The following BICD1 variants were observed in gnomAD, a reference collection of about 807,000 sequenced individuals.
The protein encoded by BICD1 is protein bicaudal D homolog 1.
In BICD1, 35 loss-of-function variants were observed where a neutral mutation model predicts 92.5. The observed-to-expected ratio is 0.38, with a 90% CI of 0.29 to 0.50. The LOEUF (loss-of-function observed/expected upper bound fraction) is 0.50, where lower values mean the gene tolerates loss of function less well. BICD1 is among the 20% of genes least tolerant of loss of function. The probability of loss-of-function intolerance (pLI) is 0.93; values close to 1 mark genes in which losing one functional copy is unlikely to be tolerated. For missense variants in BICD1, 950 were observed against 1,189.8 expected (o/e 0.80, Z 2.97); for synonymous variants, 429 against 465.1 (o/e 0.92, Z 1.00).
At chr12:32,377,464 T>G in intron 9 of BICD1, 76 bp from the exon 10 acceptor site, 1 of 1,146,154 alleles carries the variant, frequency 8.7e-7, no homozygotes, top group Non-Finnish European at 1.3e-6. Flanking sequence ...TGCAAAAATA[T>G]CTCGTCTAAC....
intron 1 of BICD1, among the ~76,000 whole-genome samples, chr12:32,178,012 A>G (rs1194487182): frequency 1.3e-5 from 2 of 151,388 alleles, no homozygotes; most frequent in South Asian, 2.1e-4. Context: ...GATTGTGATT[A>G]TGGGCATTTT....
chr12:32,299,541 T>C (rs1183012107), intron 3 of BICD1, among the ~76,000 whole-genome samples: 2 of 151,876 alleles, frequency 1.3e-5, no homozygotes, highest in East Asian at 3.9e-4. Flanking sequence ...CACATTTGAG[T>C]GAGTGGTGTG....
intron 1 of BICD1, among the ~76,000 whole-genome samples, chr12:32,198,299 G>A (rs2121548698): frequency 7.6e-6 from 1 of 132,336 alleles, no homozygotes. Context: ...AATCTTATGA[G>A]GGGATGATTA....
chr12:32,346,514 C>CA (rs869064716), intron 8 of BICD1, among the ~76,000 whole-genome samples: 15 of 86,320 alleles, frequency 1.7e-4, no homozygotes, highest in African/African-American at 4.7e-4. Context: ...GAGACCCTGT[C>CA]AAAAAAAATA....
chr12:32,306,434 CG>C (rs1320020920), intron 4 of BICD1, among the ~76,000 whole-genome samples: 1 of 151,724 alleles, frequency 6.6e-6, no homozygotes, highest in East Asian at 2.0e-4. Flanking sequence ...TTAGTAGAGA[CG>C]GGGTTTCACC....
At chr12:32,208,870 G>T (rs560259478) in intron 1 of BICD1, among the ~76,000 whole-genome samples, 1 of 151,826 alleles carries the variant, frequency 6.6e-6, no homozygotes, top group African/African-American at 2.4e-5. Flanking sequence ...TGTTGCCCAG[G>T]CTGCAGTGCA....
intron 2 of BICD1, among the ~76,000 whole-genome samples, chr12:32,280,197 AC>A (rs1485609915): frequency 1.3e-5 from 2 of 152,220 alleles, no homozygotes; most frequent in Non-Finnish European, 2.9e-5. Flanking sequence ...TTTCTCCTCT[AC>A]CTTCTTACAA....
At chr12:32,356,507 G>C (rs893539002) in intron 8 of BICD1, among the ~76,000 whole-genome samples, 7 of 151,962 alleles carry the variant, frequency 4.6e-5, no homozygotes, top group African/African-American at 1.5e-4. Flanking sequence ...TAAAAAATTA[G>C]CTGGGCGTAG....
intron 1 of BICD1, among the ~76,000 whole-genome samples, chr12:32,155,073 G>T (rs1943400266): frequency 6.6e-6 from 1 of 151,842 alleles, no homozygotes; most frequent in Non-Finnish European, 1.5e-5. Context: ...AAAAAATCCA[G>T]TTATTTGAAT....
intron 2 of BICD1, among the ~76,000 whole-genome samples, chr12:32,252,271 A>G (rs1363607861): frequency 1.4e-5 from 2 of 146,402 alleles, no homozygotes; most frequent in Non-Finnish European, 3.0e-5. Flanking sequence ...TTGAGTTATA[A>G]ATTTGCCATG....
At chr12:32,294,620 T>TAA (rs60052535) in intron 3 of BICD1, among the ~76,000 whole-genome samples, 100 of 65,610 alleles carry the variant, frequency 1.5e-3, no homozygotes, top group South Asian at 5.5e-3. Context: ...GACTCCGTCT[T>TAA]AAAAAAAAAA....
intron 2 of BICD1, among the ~76,000 whole-genome samples, chr12:32,246,465 C>T (rs1946392224): frequency 1.3e-5 from 2 of 151,904 alleles, no homozygotes; most frequent in Non-Finnish European, 2.9e-5. Context: ...TAGTAGGACT[C>T]CATCTCTATA....
At chr12:32,263,561 A>AG (rs938901678) in intron 2 of BICD1, among the ~76,000 whole-genome samples, 1 of 152,144 alleles carries the variant, frequency 6.6e-6, no homozygotes, top group African/African-American at 2.4e-5. Context: ...AAAAAAAAAA[A>AG]AAAGTATTAC....
At chr12:32,342,230 A>G (rs1470257480) in intron 8 of BICD1, among the ~76,000 whole-genome samples, 8 of 136,074 alleles carry the variant, frequency 5.9e-5, no homozygotes, top group East Asian at 4.9e-4. Flanking sequence ...ATATATATAT[A>G]TATGTATAGT....
At chr12:32,268,414 C>T (rs775508757) in intron 2 of BICD1, among the ~76,000 whole-genome samples, 5 of 152,024 alleles carry the variant, frequency 3.3e-5, no homozygotes, top group Non-Finnish European at 7.4e-5. Flanking sequence ...AACTGCCCAT[C>T]GTAAAAAAGA....
chr12:32,322,666 GTGT>G (rs1283032480), intron 4 of BICD1, among the ~76,000 whole-genome samples: 1 of 152,152 alleles, frequency 6.6e-6, no homozygotes, highest in Non-Finnish European at 1.5e-5. Context: ...GCAAGAGACA[GTGT>G]TCTATTTGAT....
At chr12:32,111,725 A>AGCCTCC (rs1941701818) in intron 1 of BICD1, among the ~76,000 whole-genome samples, 1 of 151,778 alleles carries the variant, frequency 6.6e-6, no homozygotes, top group Admixed American at 6.6e-5. Flanking sequence ...CTCCTGCCTC[A>AGCCTCC]GCCTCCGGAG....
At chr12:32,338,694 A>G in intron 7 of BICD1, 92 bp from the exon 8 acceptor site, 1 of 1,082,866 alleles carries the variant, frequency 9.2e-7, no homozygotes, top group South Asian at 1.6e-5. Flanking sequence ...AAATGCCAGT[A>G]TAAATAATGT....
intron 1 of BICD1, among the ~76,000 whole-genome samples, chr12:32,142,453 C>CCTATCTGTCTATCCTATCTATCTAT (rs1942964820): frequency 8.9e-6 from 1 of 112,882 alleles, no homozygotes; most frequent in Non-Finnish European, 1.7e-5. Flanking sequence ...ACCTATCTAT[C>CCTATCTGTCTATCCTATCTATCTAT]CTATCTATCT....
Sources: allele counts gnomAD v4.1 joint callset (sites outside exome capture counted in the v4.1 genomes callset), GRCh38; gene constraint gnomAD v4.1.1; transcripts MANE v1.5; gene names NCBI Gene and HGNC (gene_info 2026-07-23, HGNC 2026-07-21).